The following KIAA1755 variants were observed in gnomAD, a reference collection of about 807,000 sequenced individuals.
KIAA1755 encodes KIAA1755.
In KIAA1755, 68 loss-of-function variants were observed where a neutral mutation model predicts 91.7. That is an observed-to-expected ratio of 0.74 (90% CI 0.61 to 0.91). KIAA1755 has a LOEUF of 0.91. KIAA1755 is among the 40% of genes least tolerant of loss of function. The probability of loss-of-function intolerance (pLI) is 0.00; values close to 1 mark genes in which losing one functional copy is unlikely to be tolerated. For synonymous variants in KIAA1755, 610 were observed against 604.6 expected (o/e 1.01, Z -0.13); for missense variants, 1,535 against 1,494.4 (o/e 1.03, Z -0.45).
intron 9 of KIAA1755, chr20:38,222,844 C>T: frequency 6.9e-6 from 4 of 580,602 alleles, no homozygotes; most frequent in Non-Finnish European, 1.2e-5. Context: ...GCTGATCTCC[C>T]TGCTGCCCTC....
chr20:38,214,450 C>A (rs138823124), intron 13 of KIAA1755, among the ~76,000 whole-genome samples: 1 of 152,208 alleles, frequency 6.6e-6, no homozygotes, highest in African/African-American at 2.4e-5. Flanking sequence ...GAGCACTGAC[C>A]GTTTGCCAGG....
At chr20:38,235,212 G>A (rs1443159869) in intron 4 of KIAA1755, among the ~76,000 whole-genome samples, 2 of 152,150 alleles carry the variant, frequency 1.3e-5, no homozygotes, top group East Asian at 1.9e-4. Context: ...GATCTATATG[G>A]AGCAACTGAG....
At chr20:38,238,723 T>C (rs1367774213) in intron 4 of KIAA1755, among the ~76,000 whole-genome samples, 1 of 152,196 alleles carries the variant, frequency 6.6e-6, no homozygotes, top group Non-Finnish European at 1.5e-5. Context: ...ATCAGACTTG[T>C]TCTCTTATGA....
intron 8 of KIAA1755, among the ~76,000 whole-genome samples, chr20:38,224,633 A>G (rs112370079): frequency 3.5e-4 from 54 of 152,286 alleles, no homozygotes; most frequent in African/African-American, 1.2e-3. Flanking sequence ...GCTGGTACCA[A>G]GCATGCCGCA....
intron 2 of KIAA1755, among the ~76,000 whole-genome samples, chr20:38,244,115 AG>A (rs1291675140): frequency 2.0e-5 from 3 of 152,192 alleles, no homozygotes; most frequent in African/African-American, 7.2e-5. Context: ...CTCACCTACA[AG>A]GAAAAATAAA....
intron 1 of KIAA1755, among the ~76,000 whole-genome samples, chr20:38,257,140 C>A (rs6069405): frequency 6.6e-6 from 1 of 152,190 alleles, no homozygotes; most frequent in Non-Finnish European, 1.5e-5. Context: ...CAGACACAGC[C>A]TAGAATTATC....
intron 10 of KIAA1755, among the ~76,000 whole-genome samples, chr20:38,220,359 G>A (rs1349599942): frequency 2.1e-5 from 3 of 145,200 alleles, no homozygotes; most frequent in Admixed American, 1.4e-4. Flanking sequence ...TGGTCACCCA[G>A]GCTAGAGTGC....
chr20:38,218,549 G>C (rs762860118), intron 11 of KIAA1755, among the ~76,000 whole-genome samples, 183 bp from the exon 12 acceptor site: 25 of 152,216 alleles, frequency 1.6e-4, no homozygotes, highest in Admixed American at 3.3e-4. Context: ...CTTGGGGAGG[G>C]GGAGTGTGTG....
At chr20:38,225,910 T>A in intron 7 of KIAA1755, 129 bp from the exon 8 acceptor site, 1 of 560,550 alleles carries the variant, frequency 1.8e-6, no homozygotes, top group Non-Finnish European at 3.1e-6. Flanking sequence ...GCTTTAAAAG[T>A]TGCTTTGCCA....
intron 13 of KIAA1755, 189 bp downstream of exon 13, chr20:38,217,064 T>C: frequency 1.6e-6 from 1 of 634,132 alleles, no homozygotes; most frequent in South Asian, 1.8e-5. Context: ...GTCCCTGCTG[T>C]GCCCCCAGCC....
At chr20:38,234,967 T>G (rs1444891250) in intron 4 of KIAA1755, among the ~76,000 whole-genome samples, 1 of 152,024 alleles carries the variant, frequency 6.6e-6, no homozygotes, top group Non-Finnish European at 1.5e-5. Flanking sequence ...CAGGTGAAAA[T>G]GAGGATGGCA....
chr20:38,229,551 G>A (rs769049344), intron 5 of KIAA1755, among the ~76,000 whole-genome samples: 84 of 152,264 alleles, frequency 5.5e-4, no homozygotes, highest in Non-Finnish European at 1.0e-3. Context: ...GTCAGGGCCC[G>A]GTGTGAGGTG....
Position 38,221,649 on chromosome 20 carries a change from C to G in KIAA1755, c.2417+800G>C, listed in dbSNP as rs564988119. ...GCTACCTCGGAGTGAATTAAGTGAG[C>G]TGGTATTTGTAAATCCCTGAGAAAA... On this transcript the variant is annotated intron_variant, in intron 10 of 13. Transcript: ENST00000279024. Among the ~76,000 whole-genome samples, 6 of 152,290 alleles carry G rather than the reference C, an allele frequency of 3.9e-5. No individual in the cohort carries two copies. In the East Asian group the frequency reaches 1.2e-3, roughly 29 times the overall value.
In KIAA1755 at chr20:38,213,646, C is replaced by T. The variant is rs368994086; in HGVS notation, c.2999G>A (p.Arg1000His). The T allele has an allele frequency of 3.0e-5, 48 of 1,608,546 alleles. No homozygotes were observed. The African/African-American group carries it at 5.2e-4, about 17-fold the overall frequency. The change falls in exon 14 of 14, where the codon CGC becomes CAC. Residue 1000 changes from arginine to histidine, a missense_variant. Physicochemically the swap from Arg to His is conservative, Grantham distance 29 (BLOSUM62 0). Coordinates refer to ENST00000279024, the MANE Select transcript of KIAA1755 (RefSeq NM_001029864.2). ...VSPGDQRRLH[R>H]YLQRLASEFP... is the part of the protein sequence containing the mutation. ...CTCAGATGCCAGTCGCTGCAGGTAG[C>T]GGTGGAGGCGGCGCTGGTCCCCAGG... is the stretch of plus-strand genomic sequence containing the variant.
chr20:38,246,007 C>T lies in KIAA1755; in HGVS notation c.123G>A (p.Gln41=), dbSNP rs755933615. ...CCAGAAGGAAGCTCAGCCCATCCCC[C>T]TGGAAGCCAGAGTCCAGGAGACGGA... ...QVFRLLDSGF[Q]GDGLSFLLDF... Residue 41 remains glutamine (Q), a synonymous_variant, in exon 2 of 14, where the codon CAG becomes CAA. Transcript: ENST00000279024. 3 of 1,614,214 alleles carry T rather than the reference C, an allele frequency of 1.9e-6. No individual in the cohort carries two copies. In the Admixed American group the frequency reaches 5.0e-5, roughly 27 times the overall value.
chr20:38,259,102 T>A (rs961785942), intron 1 of KIAA1755, among the ~76,000 whole-genome samples: 1 of 152,140 alleles, frequency 6.6e-6, no homozygotes, highest in African/African-American at 2.4e-5. Context: ...GAGGTCCCCA[T>A]CTGTTGGAGA....
intron 4 of KIAA1755, among the ~76,000 whole-genome samples, chr20:38,233,049 G>C (rs376556116): frequency 7.3e-4 from 111 of 152,040 alleles, no homozygotes; most frequent in African/African-American, 2.6e-3. Context: ...TTGAGCCGGG[G>C]AGGTTGAGGC....
intron 12 of KIAA1755, 141 bp from the exon 13 acceptor site, chr20:38,217,615 C>T: frequency 3.3e-6 from 2 of 615,290 alleles, no homozygotes; most frequent in Non-Finnish European, 5.7e-6. Context: ...GAATGGGGAC[C>T]CTAATAGCAC....
At chr20:38,218,491 A>C in intron 11 of KIAA1755, 125 bp from the exon 12 acceptor site, 1 of 1,254,948 alleles carries the variant, frequency 8.0e-7, no homozygotes, top group South Asian at 1.5e-5. Context: ...GCCTGTGACC[A>C]CTGGCTTGGA....
Sources: allele counts gnomAD v4.1 joint callset (sites outside exome capture counted in the v4.1 genomes callset), GRCh38; gene constraint gnomAD v4.1.1; transcripts MANE v1.5; gene names NCBI Gene and HGNC (gene_info 2026-07-23, HGNC 2026-07-21).